FTO: variants seen among roughly 807,000 people sequenced by gnomAD.
FTO encodes alpha-ketoglutarate-dependent dioxygenase FTO.
A neutral mutation model predicts 63.9 loss-of-function variants in FTO; 47 were observed. The ratio of observed to expected loss-of-function variants is 0.74; its 90% CI spans 0.58 to 0.94. The LOEUF is 0.94. Among genes scored for constraint, FTO ranks in the 40% least tolerant of loss-of-function variants. The probability of loss-of-function intolerance (pLI) is 0.00; values close to 1 mark genes in which losing one functional copy is unlikely to be tolerated. For synonymous variants in FTO, 207 were observed against 224.4 expected (o/e 0.92, Z 0.69); for missense variants, 562 against 618.1 (o/e 0.91, Z 0.96).
chr16:53,972,190 A>G (rs2083338685), intron 8 of FTO, among the ~76,000 whole-genome samples: 2 of 152,044 alleles, frequency 1.3e-5, no homozygotes, highest in African/African-American at 4.8e-5. Flanking sequence ...TGTATTCTTG[A>G]ATCTTCCTAA....
intron 7 of FTO, among the ~76,000 whole-genome samples, chr16:53,925,247 G>A (rs991087374): frequency 6.6e-6 from 1 of 152,100 alleles, no homozygotes; most frequent in Non-Finnish European, 1.5e-5. Flanking sequence ...CTCATTATCA[G>A]TCAGAGCATA....
At chr16:54,011,215 T>A (rs541477192) in intron 8 of FTO, among the ~76,000 whole-genome samples, 1 of 152,186 alleles carries the variant, frequency 6.6e-6, no homozygotes, top group Non-Finnish European at 1.5e-5. Context: ...TTACATATAG[T>A]CATAATATCC....
At chr16:53,865,495 C>G (rs999228570) in intron 4 of FTO, among the ~76,000 whole-genome samples, 2 of 152,170 alleles carry the variant, frequency 1.3e-5, no homozygotes, top group Non-Finnish European at 2.9e-5. Flanking sequence ...TTTGCAATGT[C>G]CTAAGGTTTT....
intron 8 of FTO, among the ~76,000 whole-genome samples, chr16:53,987,811 G>A (rs1481312306): frequency 5.3e-5 from 8 of 152,134 alleles, no homozygotes; most frequent in African/African-American, 1.9e-4. Flanking sequence ...AAAACCAAGA[G>A]TAATATTTGC....
chr16:53,956,885 G>A (rs55892226), intron 8 of FTO: 24,266 of 151,944 alleles, frequency 0.16, 2,170 homozygotes, highest in Admixed American at 0.22. Context: ...GGCTGGTCTC[G>A]AACTCCCGAC....
chr16:53,889,425 A>G (rs1425491792), intron 7 of FTO, among the ~76,000 whole-genome samples: 1 of 152,240 alleles, frequency 6.6e-6, no homozygotes, highest in Admixed American at 6.5e-5. Flanking sequence ...AAACTCAGGC[A>G]GGCTGGCTCC....
chr16:54,050,782 T>C (rs962310027), intron 8 of FTO, among the ~76,000 whole-genome samples: 18 of 152,134 alleles, frequency 1.2e-4, no homozygotes, highest in African/African-American at 4.3e-4. Flanking sequence ...GATCAGTTTT[T>C]CCCCCTTTAA....
chr16:53,939,096 TA>T (rs2082462507), intron 8 of FTO, among the ~76,000 whole-genome samples: 1 of 151,818 alleles, frequency 6.6e-6, no homozygotes, highest in African/African-American at 2.4e-5. Flanking sequence ...TGTCTCAAAA[TA>T]AAAAAAGAAA....
intron 8 of FTO, among the ~76,000 whole-genome samples, chr16:54,065,282 C>A (rs753554011): frequency 6.6e-6 from 1 of 151,916 alleles, no homozygotes; most frequent in Non-Finnish European, 1.5e-5. Flanking sequence ...TCCGCCTTCC[C>A]AGTAGCTGGG....
At chr16:53,721,336 A>C (rs1211338354) in intron 1 of FTO, among the ~76,000 whole-genome samples, 2 of 152,194 alleles carry the variant, frequency 1.3e-5, no homozygotes, top group Non-Finnish European at 2.9e-5. Flanking sequence ...TAGACTAATA[A>C]AATAGTGGAG....
chr16:54,019,598 C>T (rs1233996908), intron 8 of FTO, among the ~76,000 whole-genome samples: 3 of 150,956 alleles, frequency 2.0e-5, no homozygotes, highest in African/African-American at 7.4e-5. Context: ...CAGTGTTGGG[C>T]CCTTCAGGTA....
chr16:53,913,935 C>T (rs960247258), intron 7 of FTO, among the ~76,000 whole-genome samples: 16 of 151,082 alleles, frequency 1.1e-4, no homozygotes, highest in African/African-American at 3.2e-4. Flanking sequence ...GCCGAGACCA[C>T]ACCACTGCAC....
At chr16:53,717,327 TGGA>T (rs1210414405) in intron 1 of FTO, among the ~76,000 whole-genome samples, 9 of 152,206 alleles carry the variant, frequency 5.9e-5, no homozygotes, top group African/African-American at 2.2e-4. Flanking sequence ...TTTGCTGATT[TGGA>T]GGAGAAGTAG....
chr16:54,109,655 G>A (rs1481364237), intron 8 of FTO, among the ~76,000 whole-genome samples: 2 of 152,176 alleles, frequency 1.3e-5, no homozygotes, highest in Admixed American at 6.5e-5. Flanking sequence ...TTGATGAGAA[G>A]AACAACAGCA....
At chr16:53,925,870 A>G (rs2082125840) in intron 7 of FTO, among the ~76,000 whole-genome samples, 1 of 152,306 alleles carries the variant, frequency 6.6e-6, no homozygotes, top group East Asian at 1.9e-4. Context: ...GACTTTTTCC[A>G]AGAAAGACAG....
intron 8 of FTO, among the ~76,000 whole-genome samples, chr16:53,975,139 T>C (rs568263320): frequency 1.3e-5 from 2 of 152,064 alleles, no homozygotes; most frequent in East Asian, 1.9e-4. Context: ...ATTCGACAAC[T>C]AAAACTAAAG....
chr16:53,704,026 G>A, upstream of FTO: 1 of 785,662 alleles, frequency 1.3e-6, no homozygotes, highest in African/African-American at 1.7e-5. Flanking sequence ...GCGCTCGCGG[G>A]TGTCGCCGCG....
At chr16:54,067,523 G>T (rs961559946) in intron 8 of FTO, among the ~76,000 whole-genome samples, 7 of 152,234 alleles carry the variant, frequency 4.6e-5, no homozygotes, top group Admixed American at 4.6e-4. Flanking sequence ...CCAGCTGTCT[G>T]ACAGTGTGTT....
chr16:53,765,391 C>T (rs28562191), intron 1 of FTO, among the ~76,000 whole-genome samples: 63,092 of 151,154 alleles, frequency 0.42, 13,421 homozygotes, highest in Non-Finnish European at 0.44. Flanking sequence ...ACCCGGTCTA[C>T]TAAAAATACA....
Sources: gnomAD v4.1 joint callset for allele counts (sites outside exome capture counted in the v4.1 genomes callset) on GRCh38, gnomAD v4.1.1 for gene constraint, MANE v1.5 for transcripts, NCBI Gene and HGNC (gene_info 2026-07-23, HGNC 2026-07-21) for gene names.